CLASP1: variants seen among roughly 807,000 people sequenced by gnomAD.
The protein encoded by CLASP1 is CLIP-associating protein 1.
CLASP1 carries 38 observed loss-of-function variants against 192.3 expected under a neutral mutation model. The ratio of observed to expected loss-of-function variants is 0.20; its 90% CI spans 0.15 to 0.26. The LOEUF is 0.26. CLASP1 is among the 10% of genes least tolerant of loss of function. The pLI is 1.00. For missense variants in CLASP1, 1,433 were observed against 1,932.5 expected, an observed-to-expected ratio of 0.74 and a Z score of 4.85; for synonymous variants, 691 against 712.8, an observed-to-expected ratio of 0.97 and a Z score of 0.49.
intron 2 of CLASP1, among the ~76,000 whole-genome samples, chr2:121,544,918 T>A (rs1216557634): frequency 6.6e-6 from 1 of 150,632 alleles, no homozygotes; most frequent in Admixed American, 6.6e-5. Flanking sequence ...TTTTTTTTTT[T>A]TTTTTATTTT....
intron 34 of CLASP1, among the ~76,000 whole-genome samples, chr2:121,371,075 C>T (rs59738412): frequency 1.6e-3 from 237 of 152,262 alleles, no homozygotes; most frequent in African/African-American, 5.4e-3. Context: ...CCCCTACACA[C>T]ATATATGTAT....
chr2:121,637,620 G>A (rs898942001), intron 1 of CLASP1, among the ~76,000 whole-genome samples: 6 of 152,142 alleles, frequency 3.9e-5, no homozygotes, highest in Admixed American at 3.9e-4. Flanking sequence ...GGTGGCTCAT[G>A]CCTATGATTA....
intron 14 of CLASP1, among the ~76,000 whole-genome samples, chr2:121,454,244 T>C (rs2086170175): frequency 6.6e-6 from 1 of 150,766 alleles, no homozygotes; most frequent in Non-Finnish European, 1.5e-5. Flanking sequence ...AAGGTTTAGA[T>C]TAGGCATGAT....
intron 2 of CLASP1, among the ~76,000 whole-genome samples, chr2:121,560,641 G>A (rs1052170283): frequency 6.6e-6 from 1 of 152,168 alleles, no homozygotes; most frequent in South Asian, 2.1e-4. Flanking sequence ...GGAATAAGGG[G>A]TATCACATCA....
chr2:121,406,472 G>T (rs1195173141), intron 25 of CLASP1, among the ~76,000 whole-genome samples: 1 of 152,136 alleles, frequency 6.6e-6, no homozygotes, highest in Non-Finnish European at 1.5e-5. Context: ...CTAACCTGCA[G>T]AGTTGTTTTA....
chr2:121,638,951 G>A (rs2106314207), intron 1 of CLASP1, among the ~76,000 whole-genome samples: 1 of 152,270 alleles, frequency 6.6e-6, no homozygotes, highest in South Asian at 2.1e-4. Context: ...TTACAGGCAT[G>A]AGCCACTGTG....
At chr2:121,404,326 A>T in intron 26 of CLASP1, 45 bp downstream of exon 27, 1 of 1,600,436 alleles carries the variant, frequency 6.2e-7, no homozygotes, top group Non-Finnish European at 8.5e-7. Flanking sequence ...CAGAGCACAC[A>T]GACATGCAGG....
At chr2:121,541,333 G>A (rs1267822727) in intron 2 of CLASP1, among the ~76,000 whole-genome samples, 1 of 152,196 alleles carries the variant, frequency 6.6e-6, no homozygotes, top group East Asian at 1.9e-4. Flanking sequence ...TTGTTTTAAG[G>A]TATTTTGCAT....
chr2:121,444,255 T>C (rs757122177), intron 19 of CLASP1, among the ~76,000 whole-genome samples: 2 of 152,186 alleles, frequency 1.3e-5, no homozygotes, highest in Non-Finnish European at 1.5e-5. Context: ...GATATGCCTA[T>C]TTCTTACAGC....
intron 26 of CLASP1, 90 bp downstream of exon 27, chr2:121,404,281 G>A (rs370983629): frequency 2.6e-5 from 40 of 1,549,146 alleles, no homozygotes; most frequent in East Asian, 7.2e-5. Context: ...CTGCACTATC[G>A]GGAATTCTCT....
At chr2:121,648,466 C>G (rs958158506) in intron 1 of CLASP1, among the ~76,000 whole-genome samples, 6 of 152,222 alleles carry the variant, frequency 3.9e-5, no homozygotes, top group East Asian at 3.8e-4. Context: ...GCAAACTCAG[C>G]TGCAAACTCA....
chr2:121,391,537 G>A (rs2074345620), intron 30 of CLASP1, among the ~76,000 whole-genome samples: 1 of 152,216 alleles, frequency 6.6e-6, no homozygotes, highest in South Asian at 2.1e-4. Flanking sequence ...AGTATCACTA[G>A]GTCTTTTACT....
At chr2:121,451,510 T>G (rs1233990707) in intron 15 of CLASP1, among the ~76,000 whole-genome samples, 1 of 152,240 alleles carries the variant, frequency 6.6e-6, no homozygotes, top group East Asian at 1.9e-4. Flanking sequence ...TCATGGGAAC[T>G]GACAGGAATG....
chr2:121,473,517 T>C (rs116036895), intron 8 of CLASP1, among the ~76,000 whole-genome samples: 2,629 of 152,074 alleles, frequency 0.017, 23 homozygotes, highest in Middle Eastern at 0.051. Context: ...CACACAACAC[T>C]GCAGGCCTGC....
chr2:121,432,693 GACTT>G (rs1159197925), intron 19 of CLASP1, among the ~76,000 whole-genome samples: 14 of 151,950 alleles, frequency 9.2e-5, no homozygotes, highest in Non-Finnish European at 1.2e-4. Flanking sequence ...AATTTTTATA[GACTT>G]ATTTAAAGTT....
chr2:121,507,581 T>A (rs940952372), intron 7 of CLASP1, among the ~76,000 whole-genome samples: 5 of 152,206 alleles, frequency 3.3e-5, no homozygotes, highest in African/African-American at 1.2e-4. Flanking sequence ...GCCTCAGGCA[T>A]CTACCACGTT....
At chr2:121,344,244 C>T (rs2063155603) in intron 39 of CLASP1, among the ~76,000 whole-genome samples, 1 of 152,152 alleles carries the variant, frequency 6.6e-6, no homozygotes, top group African/African-American at 2.4e-5. Context: ...TGGCATCTCT[C>T]CAAATGTACT....
chr2:121,587,398 T>C (rs2061845079), intron 2 of CLASP1, among the ~76,000 whole-genome samples: 1 of 152,032 alleles, frequency 6.6e-6, no homozygotes, highest in Non-Finnish European at 1.5e-5. Context: ...CCTTTCCTAA[T>C]CCCCCTACCA....
At chr2:121,347,877 T>C (rs2063656124) in intron 38 of CLASP1, among the ~76,000 whole-genome samples, 1 of 152,144 alleles carries the variant, frequency 6.6e-6, no homozygotes, top group South Asian at 2.1e-4. Context: ...CCTCTCTACC[T>C]TTCCCCAGTG....
Sources: allele counts gnomAD v4.1 joint callset (sites outside exome capture counted in the v4.1 genomes callset), GRCh38; gene constraint gnomAD v4.1.1; transcripts MANE v1.5; gene names NCBI Gene and HGNC (gene_info 2026-07-23, HGNC 2026-07-21).